DSCAM: variants seen among roughly 807,000 people sequenced by gnomAD.
DSCAM encodes the protein cell adhesion molecule DSCAM.
In DSCAM, 47 loss-of-function variants were observed where a neutral mutation model predicts 217.7. The observed-to-expected ratio is 0.22, with a 90% CI of 0.17 to 0.28. The LOEUF (loss-of-function observed/expected upper bound fraction) is 0.28. DSCAM is among the 10% of genes least tolerant of loss of function. The pLI is 1.00. For synonymous variants in DSCAM, 1,056 were observed against 1,015.3 expected (o/e 1.04, Z -0.76); for missense variants, 2,080 against 2,618.3 (o/e 0.79, Z 4.49).
intron 1 of DSCAM, among the ~76,000 whole-genome samples, chr21:40,771,997 T>G (rs2091449105): frequency 6.6e-6 from 1 of 152,192 alleles, no homozygotes; most frequent in African/African-American, 2.4e-5. Flanking sequence ...AAAGAGGCCA[T>G]GAAACATATT....
chr21:40,821,671 T>G (rs2091929442), intron 1 of DSCAM, among the ~76,000 whole-genome samples: 1 of 152,172 alleles, frequency 6.6e-6, no homozygotes, highest in Admixed American at 6.5e-5. Flanking sequence ...ACATTTTTCT[T>G]TATCTTGTCT....
intron 11 of DSCAM, among the ~76,000 whole-genome samples, chr21:40,220,550 CATAA>C (rs1298597061): frequency 6.6e-6 from 1 of 152,156 alleles, no homozygotes; most frequent in Non-Finnish European, 1.5e-5. Context: ...CTCCATGGTA[CATAA>C]ATAGACTATA....
intron 3 of DSCAM, among the ~76,000 whole-genome samples, chr21:40,603,805 C>A (rs868254387): frequency 6.6e-6 from 1 of 151,882 alleles, no homozygotes; most frequent in Middle Eastern, 3.2e-3. Context: ...CAGTATAATT[C>A]TTAGCTTTGT....
At chr21:40,358,055 C>T (rs2074715203) in intron 4 of DSCAM, among the ~76,000 whole-genome samples, 1 of 151,984 alleles carries the variant, frequency 6.6e-6, no homozygotes, top group Non-Finnish European at 1.5e-5. Context: ...AAGATGTCAC[C>T]CCTTTGGCAG....
At chr21:40,110,854 A>T (rs1361431213) in intron 20 of DSCAM, among the ~76,000 whole-genome samples, 3 of 152,224 alleles carry the variant, frequency 2.0e-5, no homozygotes, top group Non-Finnish European at 4.4e-5. Context: ...GTGAGAAGAG[A>T]AGTTTAGAGA....
intron 11 of DSCAM, among the ~76,000 whole-genome samples, chr21:40,192,336 T>G (rs1036204124): frequency 6.6e-6 from 1 of 152,138 alleles, no homozygotes; most frequent in Admixed American, 6.6e-5. Flanking sequence ...AGAGGCCTGG[T>G]GGGAGATAAT....
At chr21:40,225,016 A>G (rs1339246758) in intron 11 of DSCAM, among the ~76,000 whole-genome samples, 1 of 152,210 alleles carries the variant, frequency 6.6e-6, no homozygotes, top group Non-Finnish European at 1.5e-5. Context: ...TGTGCATGCT[A>G]CAAGGTGAAG....
chr21:40,183,877 G>A (rs56809938), intron 14 of DSCAM, among the ~76,000 whole-genome samples: 5,043 of 152,258 alleles, frequency 0.033, 287 homozygotes, highest in African/African-American at 0.11. Context: ...TAATTTCACC[G>A]TTGCCTAAAA....
At chr21:40,703,138 T>C (rs1411596614) in intron 2 of DSCAM, among the ~76,000 whole-genome samples, 1 of 152,216 alleles carries the variant, frequency 6.6e-6, no homozygotes, top group Non-Finnish European at 1.5e-5. Flanking sequence ...CTTCTGATTC[T>C]AGAACTTCCT....
At chr21:40,613,652 C>T (rs540699994) in intron 3 of DSCAM, among the ~76,000 whole-genome samples, 2 of 152,206 alleles carry the variant, frequency 1.3e-5, no homozygotes, top group South Asian at 2.1e-4. Context: ...ACTGCTGAGA[C>T]GAGCTATTAC....
At chr21:40,393,088 C>T (rs1386514977) in intron 3 of DSCAM, among the ~76,000 whole-genome samples, 3 of 152,166 alleles carry the variant, frequency 2.0e-5, no homozygotes, top group Non-Finnish European at 2.9e-5. Flanking sequence ...TCCCTAATAT[C>T]GGCTCCAAAT....
At chr21:40,104,260 T>C (rs2146617311) in intron 20 of DSCAM, among the ~76,000 whole-genome samples, 1 of 152,346 alleles carries the variant, frequency 6.6e-6, no homozygotes, top group East Asian at 1.9e-4. Flanking sequence ...TAATTTGTTA[T>C]CATATAGTTT....
chr21:40,534,346 G>A (rs2076478242), intron 3 of DSCAM, among the ~76,000 whole-genome samples: 1 of 152,118 alleles, frequency 6.6e-6, no homozygotes, highest in Non-Finnish European at 1.5e-5. Flanking sequence ...GTTTCCACAG[G>A]GAAAAAAGTA....
intron 3 of DSCAM, among the ~76,000 whole-genome samples, chr21:40,689,318 G>T (rs748747109): frequency 6.6e-6 from 1 of 152,226 alleles, no homozygotes; most frequent in Non-Finnish European, 1.5e-5. Flanking sequence ...AAGCTCATCT[G>T]TTAGAAGCAG....
At chr21:40,836,606 T>C (rs1170481324) in intron 1 of DSCAM, among the ~76,000 whole-genome samples, 1 of 152,230 alleles carries the variant, frequency 6.6e-6, no homozygotes, top group Non-Finnish European at 1.5e-5. Context: ...CATCGAGATG[T>C]ACTTGGAACT....
intron 1 of DSCAM, among the ~76,000 whole-genome samples, chr21:40,843,740 GTCAT>G (rs2092121560): frequency 6.6e-6 from 1 of 150,448 alleles, no homozygotes; most frequent in African/African-American, 2.4e-5. Context: ...ATCAGGTGAG[GTCAT>G]TCATTTAAGG....
chr21:40,623,151 A>G (rs2089545446), intron 3 of DSCAM, among the ~76,000 whole-genome samples: 1 of 152,186 alleles, frequency 6.6e-6, no homozygotes. Context: ...TTCCTTTTCC[A>G]GAATGCATCA....
rs149936635 is a variant in DSCAM at position 40,300,628 on chromosome 21, C to A, written c.2063-4454G>T. Among the ~76,000 whole-genome samples the A allele has an allele frequency of 7.5e-3, 1,147 of 152,320 alleles. 15 individuals carry two copies. Among genetic ancestry groups the A allele is most frequent in the African/African-American group, 0.025 (1,035 of 41,570 alleles). On this transcript the variant is annotated intron_variant, in intron 9 of 32. Coordinates refer to ENST00000400454, the MANE Select transcript of DSCAM (RefSeq NM_001389.5). ...CCTTGACATGTGAAAAACAATTGTC[C>A]ATCACTGAGGGACAGGAGTCAGGGT...
At chr21:40,695,912 G>A (rs150939003) in intron 2 of DSCAM, among the ~76,000 whole-genome samples, 1 of 152,114 alleles carries the variant, frequency 6.6e-6, no homozygotes, top group East Asian at 1.9e-4. Context: ...CATAACTTAA[G>A]ACACCAACAT....
Sources: allele counts gnomAD v4.1 joint callset (sites outside exome capture counted in the v4.1 genomes callset), GRCh38; gene constraint gnomAD v4.1.1; transcripts MANE v1.5; gene names NCBI Gene and HGNC (gene_info 2026-07-23, HGNC 2026-07-21).